Variants in STK33 observed in about 807,000 individuals in gnomAD.
STK33 encodes serine/threonine kinase 33, also known as serine/threonine-protein kinase 33.
A neutral mutation model predicts 58.0 loss-of-function variants in STK33; 52 were observed. The observed-to-expected ratio is 0.90, with a 90% CI of 0.72 to 1.13. STK33 has a LOEUF of 1.13. Among genes scored for constraint, STK33 ranks in the 50% most tolerant of loss-of-function variants. STK33 has a pLI of 0.00. For synonymous variants in STK33, 215 were observed against 200.1 expected (o/e 1.07, Z -0.63); for missense variants, 630 against 604.2 (o/e 1.04, Z -0.45).
At chr11:8,493,125 C>G (rs951439424) in intron 1 of STK33, among the ~76,000 whole-genome samples, 2 of 151,882 alleles carry the variant, frequency 1.3e-5, no homozygotes, top group African/African-American at 4.8e-5. Context: ...GATAGAGACA[C>G]AAAAAACCCT....
chr11:8,365,420 A>G, the STK33 span, among the ~76,000 whole-genome samples: 2 of 152,178 alleles, frequency 1.3e-5, no homozygotes, highest in East Asian at 3.9e-4. Context: ...TAATTAGCTG[A>G]CAGCTCATTA....
intron 14 of STK33, 58 bp downstream of exon 14, chr11:8,435,431 CAAAAT>C: frequency 2.1e-6 from 2 of 932,764 alleles, no homozygotes; most frequent in Middle Eastern, 4.7e-4. Flanking sequence ...AACTCCAAGA[CAAAAT>C]AAAAAGAAAT....
chr11:8,385,751 T>A, the STK33 span, among the ~76,000 whole-genome samples: 1 of 151,922 alleles, frequency 6.6e-6, no homozygotes, highest in Non-Finnish European at 1.5e-5. Context: ...ATTTCTTGAA[T>A]GAATGACTGA....
At chr11:8,362,099 G>C in the STK33 span, among the ~76,000 whole-genome samples, 1 of 152,192 alleles carries the variant, frequency 6.6e-6, no homozygotes, top group Non-Finnish European at 1.5e-5. Flanking sequence ...TCCAAACTCT[G>C]GCTCTGACTG....
chr11:8,456,218 G>A (rs573037916), intron 9 of STK33, among the ~76,000 whole-genome samples: 15 of 152,260 alleles, frequency 9.9e-5, no homozygotes, highest in Admixed American at 2.6e-4. Context: ...TGAAAAAATC[G>A]TTTCCCTCTG....
chr11:8,442,238 T>C (rs1362793614), intron 11 of STK33, among the ~76,000 whole-genome samples: 1 of 152,200 alleles, frequency 6.6e-6, no homozygotes, highest in Non-Finnish European at 1.5e-5. Context: ...TTAACTAATA[T>C]TTCCCTTTAA....
chr11:8,561,149 C>T (rs1477515967), intron 1 of STK33, among the ~76,000 whole-genome samples: 1 of 152,154 alleles, frequency 6.6e-6, no homozygotes, highest in African/African-American at 2.4e-5. Context: ...CAACCCCTTC[C>T]TATCTCTGCT....
chr11:8,553,665 G>GT (rs113957308), intron 1 of STK33, among the ~76,000 whole-genome samples: 28 of 151,304 alleles, frequency 1.9e-4, no homozygotes, highest in Admixed American at 4.6e-4. Flanking sequence ...GTCAACTGAT[G>GT]TTTTTTTTTA....
At chr11:8,521,778 GA>G (rs941532044) in intron 1 of STK33, among the ~76,000 whole-genome samples, 5 of 151,674 alleles carry the variant, frequency 3.3e-5, no homozygotes, top group African/African-American at 1.2e-4. Context: ...AAATTTACAA[GA>G]AAAAAAATCA....
At chr11:8,448,164 T>A (rs1465200049) in intron 11 of STK33, among the ~76,000 whole-genome samples, 1 of 152,182 alleles carries the variant, frequency 6.6e-6, no homozygotes. Context: ...CATTCCATGC[T>A]CACGGGTAGG....
the STK33 span, among the ~76,000 whole-genome samples, chr11:8,337,799 A>C: frequency 6.6e-6 from 1 of 151,816 alleles, no homozygotes; most frequent in South Asian, 2.1e-4. Flanking sequence ...CATTTCAGGG[A>C]CTTCGCATTT....
At chr11:8,336,121 G>A in the STK33 span, among the ~76,000 whole-genome samples, 1 of 152,246 alleles carries the variant, frequency 6.6e-6, no homozygotes, top group Admixed American at 6.5e-5. Flanking sequence ...GCTGGTGCTT[G>A]AGGCTGGCAT....
intron 14 of STK33, among the ~76,000 whole-genome samples, chr11:8,430,279 T>C (rs1943260434): frequency 6.6e-6 from 1 of 152,190 alleles, no homozygotes; most frequent in African/African-American, 2.4e-5. Context: ...TATTTCTATC[T>C]AGAATTCTCT....
At chr11:8,395,007 A>G (rs764669778) in intron 15 of STK33, among the ~76,000 whole-genome samples, 41 of 152,328 alleles carry the variant, frequency 2.7e-4, no homozygotes, top group Non-Finnish European at 5.4e-4. Flanking sequence ...TTTATAGTGT[A>G]CAATTTCAGA....
chr11:8,420,015 C>T (rs1174449605), intron 14 of STK33, among the ~76,000 whole-genome samples: 1 of 151,936 alleles, frequency 6.6e-6, no homozygotes, highest in Non-Finnish European at 1.5e-5. Context: ...ACTATGTTGC[C>T]TAAGCTGGTG....
chr11:8,360,848 A>G, the STK33 span, among the ~76,000 whole-genome samples: 1 of 152,236 alleles, frequency 6.6e-6, no homozygotes, highest in Non-Finnish European at 1.5e-5. Context: ...TTGTGTTGCT[A>G]ACCAGGGAAC....
At chr11:8,440,894 T>A in intron 11 of STK33, 141 bp from the exon 12 acceptor site, 1 of 759,692 alleles carries the variant, frequency 1.3e-6, no homozygotes, top group Non-Finnish European at 2.1e-6. Flanking sequence ...AGATCTTAAA[T>A]GAATAATGCA....
chr11:8,589,537 G>T (rs2032263094), intron 1 of STK33, among the ~76,000 whole-genome samples: 1 of 152,172 alleles, frequency 6.6e-6, no homozygotes, highest in African/African-American at 2.4e-5. Flanking sequence ...TGGATGTGAG[G>T]ATTCTTCCTG....
chr11:8,435,356 A>G (rs1206416243), intron 14 of STK33, 138 bp downstream of exon 14: 2 of 430,924 alleles, frequency 4.6e-6, no homozygotes, highest in Non-Finnish European at 7.8e-6. Flanking sequence ...GAAATTTGTC[A>G]AGACTCAATG....
Sources: gnomAD v4.1 joint callset for allele counts (sites outside exome capture counted in the v4.1 genomes callset) on GRCh38, gnomAD v4.1.1 for gene constraint, MANE v1.5 for transcripts, NCBI Gene and HGNC (gene_info 2026-07-23, HGNC 2026-07-21) for gene names.